Variants in DARS1 observed in about 807,000 individuals in gnomAD.
DARS1 encodes aspartate--tRNA ligase, cytoplasmic.
A neutral mutation model predicts 68.8 loss-of-function variants in DARS1; 51 were observed. The ratio of observed to expected loss-of-function variants is 0.74; its 90% CI spans 0.59 to 0.94. The LOEUF (loss-of-function observed/expected upper bound fraction) is 0.94, where lower values mean the gene tolerates loss of function less well. Among genes scored for constraint, DARS1 ranks in the 40% least tolerant of loss-of-function variants. The pLI, the probability that DARS1 is intolerant of heterozygous loss-of-function variation, is 0.00. For missense variants in DARS1, 607 were observed against 597.3 expected (o/e 1.02, Z -0.17); for synonymous variants, 203 against 190.4 (o/e 1.07, Z -0.55).
Position 135,912,584 on chromosome 2 carries a change from G to A in DARS1, c.1150-18C>T. The stretch of plus-strand genomic sequence containing the variant: ...GTATCATACTATAAAAAGAATAAAT[G>A]CAATTAAAATACATTTTTAAAAAGT... On this transcript the variant is annotated intron_variant, in intron 12 of 15. Transcript: ENST00000264161. 1 of 772,198 alleles carries A rather than the reference G, an allele frequency of 1.3e-6. No homozygotes were observed. Among genetic ancestry groups the A allele is most frequent in the Non-Finnish European group, 2.2e-6 (1 of 458,660 alleles). The allele number at this position is 772,198 out of a possible 1,614,324, so 47.8% of individuals were successfully genotyped here. A position where few individuals can be genotyped will look rare whatever the true frequency, so the allele number is the denominator to read the frequency against.
rs1192242478 is a variant in DARS1, at chr2:135,922,707, A to G, written c.811+77T>C. On this transcript the variant is annotated intron_variant, in intron 9 of 15. Transcript: ENST00000264161. ...AGCTTTCAAAGTGTCTGTACATTATATAAGTAAAATGTTTCTAAAATTATA... is the reference window on the plus strand; with the variant it reads ...AGCTTTCAAAGTGTCTGTACATTATGTAAGTAAAATGTTTCTAAAATTATA... 19 of 1,424,066 alleles carry G rather than the reference A, an allele frequency of 1.3e-5. No homozygotes were observed. In the East Asian group the frequency reaches 2.7e-4, roughly 20 times the overall value. The allele number at this position is 1,424,066 out of a possible 1,614,324, so 88.2% of individuals were successfully genotyped here. A position where few individuals can be genotyped will look rare whatever the true frequency, so the allele number is the denominator to read the frequency against.
At chr2:135,934,056 C>T in intron 5 of DARS1, 66 bp from the exon 6 acceptor site, 1 of 1,572,292 alleles carries the variant, frequency 6.4e-7, no homozygotes, top group South Asian at 1.2e-5. Context: ...TCTTAAAAAA[C>T]AATCTACAGT....
At chr2:135,910,860 G>T in intron 15 of DARS1, 1 of 298,522 alleles carries the variant, frequency 3.3e-6, no homozygotes, top group Non-Finnish European at 6.3e-6. Context: ...TTTTAAGGTA[G>T]AGCTTTAATT....
At chr2:135,982,994 G>A (rs1682671188) in intron 2 of DARS1, among the ~76,000 whole-genome samples, 1 of 152,154 alleles carries the variant, frequency 6.6e-6, no homozygotes, top group Non-Finnish European at 1.5e-5. Flanking sequence ...AACAGTCAGA[G>A]AAGTAAAGTT....
intron 7 of DARS1, among the ~76,000 whole-genome samples, chr2:135,931,722 G>A (rs1258750239): frequency 1.3e-5 from 2 of 152,098 alleles, no homozygotes; most frequent in Admixed American, 1.3e-4. Context: ...AAAAGACAGT[G>A]TAAGAATCCT....
At position 135,985,431 on chromosome 2, in the gene DARS1, T is replaced by G. The variant is rs1220861236; in HGVS notation, c.38A>C (p.Lys13Thr). 7 of 1,613,888 alleles carry G rather than the reference T, an allele frequency of 4.3e-6. No individual in the cohort carries two copies. The highest frequency in any genetic ancestry group is 1.7e-5 in the Admixed American group (1 of 60,014). ...CGCCGCGTCCATGATCTCCCGCGGC[T>G]TCTCCTGACTCTTGCGGCTGGCGCT... ...SASASRKSQE[K>T]PREIMDAAED... The change falls in exon 1 of 16, where the codon AAG (lysine) becomes ACG (threonine). Residue 13 changes from lysine to threonine, a missense_variant. By Grantham distance (78) the Lys-to-Thr change is moderately conservative (BLOSUM62 -1). Coordinates refer to ENST00000264161, the MANE Select transcript of DARS1 (RefSeq NM_001349.4).
In DARS1 at chr2:135,959,391, CAAAAAAAAAAAAAAAAAAAAAAAAAAA is replaced by C. The variant is rs66527494; in HGVS notation, c.320+1978_320+2004del. Among the ~76,000 whole-genome samples the C allele has an allele frequency of 3.1e-3, 46 of 15,036 alleles. 1 individual carries two copies. In the Admixed American group the frequency reaches 0.036, roughly 12 times the overall value. The allele number at this position is 15,036 out of a possible 152,430, so 9.9% of individuals were successfully genotyped here. A position where few individuals can be genotyped will look rare whatever the true frequency, so the allele number is the denominator to read the frequency against. ...GGGCAACAAGAGTGAAACTCCGTCT[CAAAAAAAAAAAAAAAAAAAAAAAAAAA>C]AAAAAAAAAAAAAAGATCGCCCGTA... On this transcript the variant is annotated intron_variant, in intron 4 of 15. Transcript: ENST00000264161.
In DARS1 at chr2:135,924,916, C is replaced by A. The variant is rs75667274; in HGVS notation, c.565-418G>T. Among the ~76,000 whole-genome samples the A allele has an allele frequency of 1.8e-3, 270 of 151,954 alleles. 1 individual carries two copies. The highest frequency in any genetic ancestry group is 5.7e-3 in the African/African-American group (237 of 41,424). On this transcript the variant is annotated intron_variant, in intron 7 of 15. Coordinates refer to ENST00000264161, the MANE Select transcript of DARS1 (RefSeq NM_001349.4). The stretch of plus-strand genomic sequence containing the variant: ...GTATTTGACAATAAATGAATAAAAA[C>A]CATGTATTTTTATTTTAACCATTAC...
Position 135,912,542 on chromosome 2 carries a change from C to A in DARS1, c.1174G>T (p.Asp392Tyr). The change falls in exon 13 of 16, where the codon GAT becomes TAT. Residue 392 changes from aspartate (D) to tyrosine (Y), a missense_variant. By Grantham distance (160) the Asp-to-Tyr change is radical. Transcript: ENST00000264161. ...EKYDTDFYILDKYPLAVRPFY... is the reference protein window; with the variant it reads ...EKYDTDFYILYKYPLAVRPFY... ...GGTCTTACAGCCAATGGATATTTATCAAGAATATAAAAATCTGTATCATAC... is the reference window on the plus strand; with the variant it reads ...GGTCTTACAGCCAATGGATATTTATAAAGAATATAAAAATCTGTATCATAC... 1 of 1,014,528 alleles carries A rather than the reference C, an allele frequency of 9.9e-7. No homozygotes were observed. Among genetic ancestry groups the A allele is most frequent in the Non-Finnish European group, 1.5e-6 (1 of 647,828 alleles). The allele number at this position is 1,014,528 out of a possible 1,614,324, so 62.8% of individuals were successfully genotyped here. A position where few individuals can be genotyped will look rare whatever the true frequency, so the allele number is the denominator to read the frequency against.
intron 7 of DARS1, 101 bp downstream of exon 7, chr2:135,932,682 G>T (rs1681377028): frequency 2.8e-6 from 2 of 704,018 alleles, no homozygotes; most frequent in African/African-American, 1.8e-5. Flanking sequence ...CTTACAGTCA[G>T]GCAAATACCA....
Sources: gnomAD v4.1 joint callset for allele counts (sites outside exome capture counted in the v4.1 genomes callset) on GRCh38, gnomAD v4.1.1 for gene constraint, MANE v1.5 for transcripts, NCBI Gene and HGNC (gene_info 2026-07-23, HGNC 2026-07-21) for gene names.